The following TRAPPC9 variants were observed in gnomAD, a reference collection of about 807,000 sequenced individuals.
TRAPPC9 encodes trafficking protein particle complex subunit 9.
TRAPPC9 carries 83 observed loss-of-function variants against 124.0 expected under a neutral mutation model. The observed-to-expected ratio is 0.67, with a 90% CI of 0.56 to 0.80. TRAPPC9 has a LOEUF of 0.80. Among genes scored for constraint, TRAPPC9 ranks in the 30% least tolerant of loss-of-function variants. The pLI, the probability that TRAPPC9 is intolerant of heterozygous loss-of-function variation, is 0.00. For missense variants in TRAPPC9, 1,302 were observed against 1,508.3 expected (o/e 0.86, Z 2.27); for synonymous variants, 638 against 617.5 (o/e 1.03, Z -0.49).
chr8:140,420,065 T>C (rs954903673), intron 5 of TRAPPC9, among the ~76,000 whole-genome samples: 1 of 152,142 alleles, frequency 6.6e-6, no homozygotes, highest in African/African-American at 2.4e-5. Context: ...CAATGAACCA[T>C]GTGACAATGA....
At chr8:140,266,919 C>A (rs1405136770) in intron 15 of TRAPPC9, among the ~76,000 whole-genome samples, 2 of 152,112 alleles carry the variant, frequency 1.3e-5, no homozygotes, top group Non-Finnish European at 2.9e-5. Context: ...CACAGGGACA[C>A]ACTCACCCCA....
At chr8:139,760,318 A>G (rs539203209) in intron 21 of TRAPPC9, among the ~76,000 whole-genome samples, 8 of 152,216 alleles carry the variant, frequency 5.3e-5, no homozygotes. Flanking sequence ...GCAGACAGAC[A>G]GCTTGGAGAG....
At position 140,456,852 on chromosome 8, in the gene TRAPPC9, T is replaced by C. The variant is rs373087418; in HGVS notation, c.-11+787A>G. The C allele has an allele frequency of 3.0e-6, 3 of 985,374 alleles. No homozygotes were observed. In the East Asian group the frequency reaches 3.4e-4, roughly 112 times the overall value. The allele number at this position is 985,374 out of a possible 1,614,324, so 61.0% of individuals were successfully genotyped here. ...TTAATTCCTCTCTCTATAGAAACAT[T>C]TGAAGACAGACAACGCATCCTAACA... On this transcript the variant is annotated intron_variant, in intron 1 of 22. Transcript: ENST00000438773.
At chr8:139,920,114 G>A (rs1025711619) in intron 19 of TRAPPC9, among the ~76,000 whole-genome samples, 12 of 152,224 alleles carry the variant, frequency 7.9e-5, no homozygotes, top group African/African-American at 2.9e-4. Flanking sequence ...GGGAGGCTAA[G>A]CCGGGCGGAT....
At chr8:140,094,557 C>A (rs1299728997) in intron 17 of TRAPPC9, among the ~76,000 whole-genome samples, 2 of 152,196 alleles carry the variant, frequency 1.3e-5, no homozygotes, top group East Asian at 3.8e-4. Flanking sequence ...CACCATGTAA[C>A]CCAACACAAC....
At chr8:139,894,455 C>A (rs533458514) in intron 20 of TRAPPC9, among the ~76,000 whole-genome samples, 5 of 152,168 alleles carry the variant, frequency 3.3e-5, no homozygotes, top group African/African-American at 1.2e-4. Flanking sequence ...TGGGCTCAGC[C>A]CCACTGCTGC....
chr8:140,250,156 C>T (rs1317983167), intron 16 of TRAPPC9, among the ~76,000 whole-genome samples: 2 of 152,056 alleles, frequency 1.3e-5, no homozygotes, highest in African/African-American at 2.4e-5. Context: ...TTCCCACTTG[C>T]GTTTATAAAA....
chr8:140,296,887 C>G (rs2065819138), intron 11 of TRAPPC9, among the ~76,000 whole-genome samples: 2 of 152,226 alleles, frequency 1.3e-5, no homozygotes, highest in Admixed American at 1.3e-4. Flanking sequence ...AATGAGAACA[C>G]AAAAGAGCAG....
intron 16 of TRAPPC9, among the ~76,000 whole-genome samples, chr8:140,248,362 C>A (rs1335976962): frequency 1.3e-5 from 2 of 152,216 alleles, no homozygotes; most frequent in African/African-American, 4.8e-5. Context: ...CTGGAACATA[C>A]AAACTCCTCC....
Position 140,196,772 on chromosome 8 carries a change from A to G in TRAPPC9, c.2556+24687T>C, listed in dbSNP as rs538003092. ...ACTAAAACACACTCAATGATCCGCT[A>G]TACAGCTCACACCTGTGACACTAAA... On this transcript the variant is annotated intron_variant, in intron 17 of 22. Coordinates refer to ENST00000438773, the MANE Select transcript of TRAPPC9 (RefSeq NM_001160372.4). Among the ~76,000 whole-genome samples the G allele has an allele frequency of 8.8e-4, 134 of 151,498 alleles. 2 individuals are homozygous for G. The highest frequency in any genetic ancestry group is 3.2e-3 in the African/African-American group (131 of 40,954).
At chr8:139,829,784 C>A (rs1825855257) in intron 21 of TRAPPC9, among the ~76,000 whole-genome samples, 1 of 152,242 alleles carries the variant, frequency 6.6e-6, no homozygotes, top group African/African-American at 2.4e-5. Context: ...TCCTTACTGT[C>A]TCTAGCGATG....
intron 18 of TRAPPC9, among the ~76,000 whole-genome samples, chr8:140,016,534 A>G (rs894231140): frequency 1.3e-5 from 2 of 152,220 alleles, no homozygotes; most frequent in Non-Finnish European, 2.9e-5. Flanking sequence ...AGGTGTACAC[A>G]TGGAGTCACA....
chr8:139,760,145 A>G (rs534095624), intron 21 of TRAPPC9, among the ~76,000 whole-genome samples: 2 of 152,176 alleles, frequency 1.3e-5, no homozygotes, highest in Non-Finnish European at 1.5e-5. Context: ...GACCTACTCC[A>G]GTGGCTTGGG....
In TRAPPC9 at chr8:139,729,950, AAC is replaced by A. The variant is rs1324478184; in HGVS notation, c.*1109_*1110del. Among the ~76,000 whole-genome samples the A allele has an allele frequency of 6.6e-6, 1 of 152,146 alleles. No individual in the cohort carries two copies. Among genetic ancestry groups the A allele is most frequent in the Non-Finnish European group, 1.5e-5 (1 of 68,006 alleles). On this transcript the variant is annotated 3_prime_UTR_variant, in exon 23 of 23. Coordinates refer to ENST00000438773, the MANE Select transcript of TRAPPC9 (RefSeq NM_001160372.4). ...CCTGGGACCTGGGGAGCTAAGGGTC[AAC>A]ACAGCCAGAAGCCTGCCCCCAGAAC...
Position 140,116,881 on chromosome 8 carries a change from G to A in TRAPPC9, c.2557-92802C>T, listed in dbSNP as rs144015416. 1.6e-4 allele frequency among the ~76,000 whole-genome samples: 24 copies of A among 151,492 alleles called. No individual in the cohort carries two copies. The East Asian group carries it at 3.5e-3, about 22-fold the overall frequency. On this transcript the variant is annotated intron_variant, in intron 17 of 22. Transcript: ENST00000438773. The stretch of plus-strand genomic sequence containing the variant: ...AGTAGGCGGAGTTCAGTGAGTAGGC[G>A]GAGTTCAGTGAGTAGGCGGAGTTCA...
intron 17 of TRAPPC9, among the ~76,000 whole-genome samples, chr8:140,041,631 C>A (rs776049284): frequency 3.3e-5 from 5 of 152,190 alleles, no homozygotes; most frequent in Non-Finnish European, 7.4e-5. Flanking sequence ...GCCCTCATGG[C>A]GGTCACACCA....
At chr8:139,800,252 G>A (rs538832211) in intron 21 of TRAPPC9, among the ~76,000 whole-genome samples, 1 of 152,368 alleles carries the variant, frequency 6.6e-6, no homozygotes, top group South Asian at 2.1e-4. Context: ...ACCTATGCCA[G>A]GACAGCATTC....
intron 21 of TRAPPC9, among the ~76,000 whole-genome samples, chr8:139,875,176 G>C (rs1251575463): frequency 6.6e-6 from 1 of 152,188 alleles, no homozygotes; most frequent in Non-Finnish European, 1.5e-5. Flanking sequence ...AGAGAGGAGG[G>C]AGAGGAGAGA....
chr8:139,755,705 A>C (rs1311199450), intron 21 of TRAPPC9, among the ~76,000 whole-genome samples: 3 of 138,668 alleles, frequency 2.2e-5, no homozygotes, highest in Admixed American at 7.2e-5. Flanking sequence ...GGATGATGAC[A>C]GCATGTCGCA....
Sources: gnomAD v4.1 joint callset for allele counts (sites outside exome capture counted in the v4.1 genomes callset) on GRCh38, gnomAD v4.1.1 for gene constraint, MANE v1.5 for transcripts, NCBI Gene and HGNC (gene_info 2026-07-23, HGNC 2026-07-21) for gene names.